PCCA: variants seen among roughly 807,000 people sequenced by gnomAD.
The protein encoded by PCCA is propionyl-CoA carboxylase subunit alpha.
PCCA carries 74 observed loss-of-function variants against 101.3 expected under a neutral mutation model. The ratio of observed to expected loss-of-function variants is 0.73; its 90% CI spans 0.61 to 0.89. PCCA has a LOEUF of 0.89. Ranked by LOEUF, PCCA falls within the 40% of genes least tolerant of loss-of-function variation. PCCA has a pLI of 0.00. For synonymous variants in PCCA, 294 were observed against 313.6 expected (o/e 0.94, Z 0.66); for missense variants, 891 against 907.0 (o/e 0.98, Z 0.23).
intron 2 of PCCA, among the ~76,000 whole-genome samples, chr13:100,105,242 A>G (rs2047641550): frequency 6.6e-6 from 1 of 152,154 alleles, no homozygotes; most frequent in Non-Finnish European, 1.5e-5. Flanking sequence ...GCCAGTGGCT[A>G]CTATATTGGA....
At chr13:100,195,401 C>T (rs1421506345) in intron 6 of PCCA, among the ~76,000 whole-genome samples, 1 of 152,060 alleles carries the variant, frequency 6.6e-6, no homozygotes, top group African/African-American at 2.4e-5. Context: ...AGCATTTCAC[C>T]TAAGGAAATT....
chr13:100,324,363 T>C (rs765022728), intron 16 of PCCA, among the ~76,000 whole-genome samples: 1 of 152,246 alleles, frequency 6.6e-6, no homozygotes, highest in Non-Finnish European at 1.5e-5. Context: ...TGAACAACAC[T>C]GGTTTGAACT....
chr13:100,264,361 C>T (rs1404418595), intron 10 of PCCA, among the ~76,000 whole-genome samples: 1 of 151,990 alleles, frequency 6.6e-6, no homozygotes, highest in African/African-American at 2.4e-5. Context: ...GTGTAACAAC[C>T]ATCCAGGTCT....
intron 22 of PCCA, among the ~76,000 whole-genome samples, chr13:100,524,514 C>T (rs837330): frequency 0.013 from 1,909 of 151,940 alleles, 39 homozygotes; most frequent in African/African-American, 0.044. Context: ...TTAGGGAAAA[C>T]GGTCTACAAA....
intron 21 of PCCA, among the ~76,000 whole-genome samples, chr13:100,467,171 A>G (rs1309478862): frequency 6.6e-6 from 1 of 152,190 alleles, no homozygotes; most frequent in Non-Finnish European, 1.5e-5. Flanking sequence ...CAGATCTAGT[A>G]ACAAATGTGG....
At chr13:100,186,090 CT>C (rs2057241866) in intron 6 of PCCA, among the ~76,000 whole-genome samples, 1 of 152,154 alleles carries the variant, frequency 6.6e-6, no homozygotes, top group African/African-American at 2.4e-5. Context: ...GTTAAAATAG[CT>C]TTGAATCAAT....
chr13:100,132,960 T>A (rs531930114), intron 4 of PCCA, among the ~76,000 whole-genome samples: 50 of 152,254 alleles, frequency 3.3e-4, no homozygotes, highest in African/African-American at 1.1e-3. Flanking sequence ...TTTGTATTTT[T>A]ACTAGAGACG....
At chr13:100,190,418 C>T (rs1362919745) in intron 6 of PCCA, among the ~76,000 whole-genome samples, 1 of 152,214 alleles carries the variant, frequency 6.6e-6, no homozygotes, top group African/African-American at 2.4e-5. Context: ...CGTGGTGGCT[C>T]ACGCATGTAA....
intron 19 of PCCA, among the ~76,000 whole-genome samples, chr13:100,386,404 C>T (rs909861032): frequency 2.6e-5 from 4 of 152,154 alleles, no homozygotes; most frequent in East Asian, 3.9e-4. Context: ...GACGGAATCT[C>T]GCTCTGTAGC....
chr13:100,141,113 A>C (rs2051816006), intron 4 of PCCA, among the ~76,000 whole-genome samples: 1 of 152,172 alleles, frequency 6.6e-6, no homozygotes, highest in African/African-American at 2.4e-5. Context: ...AACATTGAGA[A>C]TCACAGACTT....
intron 18 of PCCA, among the ~76,000 whole-genome samples, chr13:100,356,678 A>G (rs1345358180): frequency 1.3e-5 from 2 of 152,124 alleles, no homozygotes; most frequent in African/African-American, 4.8e-5. Context: ...AAAATATTAG[A>G]CGATTACCAC....
At chr13:100,165,898 G>T (rs1266475166) in intron 6 of PCCA, among the ~76,000 whole-genome samples, 1 of 151,944 alleles carries the variant, frequency 6.6e-6, no homozygotes, top group African/African-American at 2.4e-5. Context: ...AAATAAATAA[G>T]TAAATAAGTA....
chr13:100,451,712 TCTC>T (rs1209754586), intron 21 of PCCA, among the ~76,000 whole-genome samples: 19 of 60,082 alleles, frequency 3.2e-4, no homozygotes, highest in Non-Finnish European at 2.6e-4. Flanking sequence ...TCCTCTCCTC[TCTC>T]CTCTCTCTCT....
chr13:100,465,819 A>G (rs1596022434), intron 21 of PCCA, among the ~76,000 whole-genome samples: 1 of 152,260 alleles, frequency 6.6e-6, no homozygotes. Flanking sequence ...GGAAGCTTAC[A>G]AAGTACACAT....
intron 21 of PCCA, among the ~76,000 whole-genome samples, chr13:100,486,323 T>C (rs2084368383): frequency 6.6e-6 from 1 of 152,232 alleles, no homozygotes; most frequent in African/African-American, 2.4e-5. Flanking sequence ...GGAGAAGTAC[T>C]GAGACCCAAG....
At chr13:100,290,845 T>C (rs991102236) in intron 12 of PCCA, among the ~76,000 whole-genome samples, 3 of 152,194 alleles carry the variant, frequency 2.0e-5, no homozygotes, top group African/African-American at 7.2e-5. Context: ...GTTGCAACAG[T>C]GGTTATCCTC....
At chr13:100,525,171 T>A (rs948051663) in intron 22 of PCCA, among the ~76,000 whole-genome samples, 13 of 152,154 alleles carry the variant, frequency 8.5e-5, no homozygotes, top group African/African-American at 2.9e-4. Flanking sequence ...AGTGCTGTGC[T>A]TGGATGGGGC....
intron 6 of PCCA, among the ~76,000 whole-genome samples, chr13:100,202,390 A>G (rs1393728902): frequency 3.9e-5 from 6 of 152,098 alleles, no homozygotes; most frequent in East Asian, 3.9e-4. Flanking sequence ...TTCTTACTCA[A>G]AAGAGTTTAT....
intron 21 of PCCA, among the ~76,000 whole-genome samples, chr13:100,476,738 C>A (rs151232031): frequency 8.5e-5 from 13 of 152,160 alleles, no homozygotes; most frequent in Non-Finnish European, 1.3e-4. Context: ...ACACACTGCA[C>A]CTAAATACAA....
Sources: gnomAD v4.1 joint callset for allele counts (sites outside exome capture counted in the v4.1 genomes callset) on GRCh38, gnomAD v4.1.1 for gene constraint, MANE v1.5 for transcripts, NCBI Gene and HGNC (gene_info 2026-07-23, HGNC 2026-07-21) for gene names.